Variants in MTUS2 observed in about 807,000 individuals in gnomAD.
The protein encoded by MTUS2 is microtubule associated scaffold protein 2.
A neutral mutation model predicts 114.1 loss-of-function variants in MTUS2; 40 were observed. The ratio of observed to expected loss-of-function variants is 0.35; its 90% CI spans 0.27 to 0.46. MTUS2 has a LOEUF of 0.46. Among genes scored for constraint, MTUS2 ranks in the 20% least tolerant of loss-of-function variants. The pLI is 1.00. For synonymous variants in MTUS2, 688 were observed against 672.0 expected (o/e 1.02, Z -0.37); for missense variants, 1,679 against 1,705.4 (o/e 0.98, Z 0.27).
intron 2 of MTUS2, among the ~76,000 whole-genome samples, chr13:28,956,058 C>A (rs531473232): frequency 6.1e-5 from 9 of 147,288 alleles, no homozygotes; most frequent in South Asian, 2.3e-4. Flanking sequence ...TCTCTTGCCC[C>A]CCCCCATCCT....
chr13:29,241,661 A>C (rs972310815), intron 5 of MTUS2, among the ~76,000 whole-genome samples: 8 of 152,190 alleles, frequency 5.3e-5, no homozygotes, highest in African/African-American at 1.9e-4. Flanking sequence ...TGTTCTTGCA[A>C]GTTCATCAAG....
At chr13:29,061,771 T>C (rs1179451795) in intron 4 of MTUS2, among the ~76,000 whole-genome samples, 25 of 152,250 alleles carry the variant, frequency 1.6e-4, no homozygotes, top group Admixed American at 1.6e-3. Context: ...GTATACTTTC[T>C]GAAAATGTTA....
intron 2 of MTUS2, among the ~76,000 whole-genome samples, chr13:28,936,296 A>G (rs535223661): frequency 9.9e-5 from 15 of 152,250 alleles, no homozygotes; most frequent in Admixed American, 3.9e-4. Context: ...CTTGGTTTAT[A>G]AGTTTTCTTC....
intron 1 of MTUS2, among the ~76,000 whole-genome samples, chr13:28,826,258 A>G (rs115862284): frequency 5.7e-4 from 87 of 152,356 alleles, no homozygotes; most frequent in African/African-American, 2.0e-3. Flanking sequence ...AAATAAATCA[A>G]TAAATTTAAA....
At chr13:29,249,612 T>A (rs1394614284) in intron 5 of MTUS2, among the ~76,000 whole-genome samples, 1 of 152,230 alleles carries the variant, frequency 6.6e-6, no homozygotes, top group Non-Finnish European at 1.5e-5. Flanking sequence ...TGTCTTCTTT[T>A]GAGAAGTGTC....
chr13:29,362,798 G>C (rs934013346), intron 8 of MTUS2, among the ~76,000 whole-genome samples: 1 of 152,152 alleles, frequency 6.6e-6, no homozygotes, highest in African/African-American at 2.4e-5. Flanking sequence ...ATATGTGTTG[G>C]AAGTAAGCCT....
chr13:29,229,920 A>G (rs1896256922), intron 5 of MTUS2, among the ~76,000 whole-genome samples: 1 of 152,220 alleles, frequency 6.6e-6, no homozygotes, highest in Admixed American at 6.5e-5. Context: ...AAAAAGTTTT[A>G]TACACAATGT....
At chr13:28,992,061 G>T (rs207473629) in intron 2 of MTUS2, among the ~76,000 whole-genome samples, 1 of 152,182 alleles carries the variant, frequency 6.6e-6, no homozygotes, top group Admixed American at 6.5e-5. Flanking sequence ...TTGTGGGCCT[G>T]GGAAATTTAC....
intron 5 of MTUS2, among the ~76,000 whole-genome samples, chr13:29,155,523 G>A (rs571132732): frequency 6.6e-6 from 1 of 152,302 alleles, no homozygotes; most frequent in South Asian, 2.1e-4. Flanking sequence ...GCAGGGTGGA[G>A]AGAAAGTGCA....
At chr13:29,298,220 C>G (rs1899034390) in intron 6 of MTUS2, among the ~76,000 whole-genome samples, 1 of 152,116 alleles carries the variant, frequency 6.6e-6, no homozygotes, top group Admixed American at 6.5e-5. Flanking sequence ...AATAAAATTC[C>G]TTTATTCAGA....
At position 29,306,855 on chromosome 13, in the gene MTUS2, T is replaced by C. The variant is rs1280307677; in HGVS notation, c.2807-17758T>C. On this transcript the variant is annotated intron_variant, in intron 6 of 15. Transcript: ENST00000612955. ...TCACCAGGGCTGCTTTTAACTCTGC[T>C]AAAGTAGATATTGTGGCCATCAGTG... The C allele has an allele frequency of 1.1e-5, 4 of 376,004 alleles. No homozygotes were observed. The East Asian group carries it at 2.1e-4, about 20-fold the overall frequency. 23.3% of individuals were successfully genotyped at this position (376,004 alleles called of 1,614,324 possible).
intron 2 of MTUS2, among the ~76,000 whole-genome samples, chr13:28,874,015 G>A (rs538994047): frequency 2.8e-4 from 42 of 152,174 alleles, no homozygotes; most frequent in African/African-American, 7.2e-4. Context: ...TGGATGAGAT[G>A]AACTTAATTT....
chr13:29,116,497 T>C (rs147986583), intron 5 of MTUS2, among the ~76,000 whole-genome samples: 153 of 152,328 alleles, frequency 1.0e-3, no homozygotes, highest in African/African-American at 3.5e-3. Context: ...AAACCTTGGA[T>C]GGTACCAAAG....
chr13:28,992,789 A>G (rs1052183638), intron 2 of MTUS2, among the ~76,000 whole-genome samples: 1 of 152,170 alleles, frequency 6.6e-6, no homozygotes, highest in African/African-American at 2.4e-5. Context: ...TTAAGTGTAC[A>G]GTTTAGTGGC....
intron 4 of MTUS2, among the ~76,000 whole-genome samples, chr13:29,065,921 C>T (rs7996027): frequency 1.3e-5 from 2 of 152,086 alleles, no homozygotes; most frequent in African/African-American, 4.8e-5. Context: ...AACCCCCCCC[C>T]ACCTGACATG....
chr13:28,968,922 C>G (rs971245010), intron 2 of MTUS2, among the ~76,000 whole-genome samples: 1 of 152,100 alleles, frequency 6.6e-6, no homozygotes, highest in African/African-American at 2.4e-5. Context: ...TAAAAACTTT[C>G]TCTTCAAAAT....
intron 13 of MTUS2, 33 bp from the exon 14 acceptor site, chr13:29,498,385 T>A: frequency 6.2e-7 from 1 of 1,612,514 alleles, no homozygotes; most frequent in Admixed American, 1.7e-5. Context: ...CCGGGAATCC[T>A]GGTCAACAGC....
At chr13:28,835,788 A>G (rs927045973) in intron 1 of MTUS2, among the ~76,000 whole-genome samples, 1 of 152,208 alleles carries the variant, frequency 6.6e-6, no homozygotes, top group Admixed American at 6.5e-5. Context: ...AGATTGGAAG[A>G]TTAGAAACCT....
chr13:28,896,913 T>A (rs376110774), intron 2 of MTUS2, among the ~76,000 whole-genome samples: 4 of 152,158 alleles, frequency 2.6e-5, no homozygotes, highest in East Asian at 1.9e-4. Context: ...AAGATGGATT[T>A]AAGACTTACA....
Sources: allele counts gnomAD v4.1 joint callset (sites outside exome capture counted in the v4.1 genomes callset), GRCh38; gene constraint gnomAD v4.1.1; transcripts MANE v1.5; gene names NCBI Gene and HGNC (gene_info 2026-07-23, HGNC 2026-07-21).